Variants in LRP6 observed in about 807,000 individuals in gnomAD.
LRP6 encodes low-density lipoprotein receptor-related protein 6.
A neutral mutation model predicts 184.1 loss-of-function variants in LRP6; 43 were observed. The observed-to-expected ratio is 0.23, with a 90% CI of 0.18 to 0.30. The LOEUF (loss-of-function observed/expected upper bound fraction) is 0.30. Among genes scored for constraint, LRP6 ranks in the 10% least tolerant of loss-of-function variants. The pLI, the probability that LRP6 is intolerant of heterozygous loss-of-function variation, is 1.00. For missense variants in LRP6, 1,571 were observed against 2,005.3 expected, an observed-to-expected ratio of 0.78 and a Z score of 4.14; for synonymous variants, 719 against 684.9, an observed-to-expected ratio of 1.05 and a Z score of -0.78.
At position 12,117,650 on chromosome 12, in the gene LRP6, C is replaced by T. The variant is rs1053552672; in HGVS notation, c.*3476G>A. ...CATACCTCTTCAGTCTCTATTATGA[C>T]TACTGGTATCAAGTCACATAAATAA... On this transcript the variant is annotated 3_prime_UTR_variant, in exon 23 of 23. Transcript: ENST00000261349. The T allele has an allele frequency of 1.3e-5, 2 of 152,186 alleles. No individual in the cohort carries two copies. The highest frequency in any genetic ancestry group is 4.8e-5 in the African/African-American group (2 of 41,446). The allele number at this position is 152,186 out of a possible 1,614,324, so 9.4% of individuals were successfully genotyped here. A position where few individuals can be genotyped will look rare whatever the true frequency, so the allele number is the denominator to read the frequency against.
At chr12:12,244,700 G>A (rs769325444) in intron 1 of LRP6, 45 bp from the exon 2 acceptor site, 33 of 1,592,844 alleles carry the variant, frequency 2.1e-5, no homozygotes, top group Admixed American at 3.4e-5. Flanking sequence ...GGAAGAAAAC[G>A]TATTGGTTCT....
intron 12 of LRP6, among the ~76,000 whole-genome samples, chr12:12,154,187 T>C (rs774010856): frequency 2.0e-5 from 3 of 152,236 alleles, no homozygotes; most frequent in Non-Finnish European, 4.4e-5. Context: ...GCTTCCTAGG[T>C]GTTCCTCTAA....
chr12:12,125,171 T>C (rs1185639213), intron 21 of LRP6, 125 bp downstream of exon 21: 1 of 1,131,958 alleles, frequency 8.8e-7, no homozygotes, highest in East Asian at 2.5e-5. Context: ...CTTTGAGCCT[T>C]TTATGCCTAA....
chr12:12,180,532 A>C (rs763970023), intron 6 of LRP6, among the ~76,000 whole-genome samples: 8 of 152,080 alleles, frequency 5.3e-5, no homozygotes, highest in Non-Finnish European at 8.8e-5. Flanking sequence ...AGTATGTAAA[A>C]AGTTGTACTT....
rs1176423002 is a variant in LRP6, at chr12:12,119,297, C to T, written c.*1829G>A. 1.3e-5 allele frequency: 2 copies of T among 151,976 alleles called. No individual in the cohort carries two copies. The highest frequency in any genetic ancestry group is 6.6e-5 in the Admixed American group (1 of 15,244). The allele number at this position is 151,976 out of a possible 1,614,324, so 9.4% of individuals were successfully genotyped here. On this transcript the variant is annotated 3_prime_UTR_variant, in exon 23 of 23. Coordinates refer to ENST00000261349, the MANE Select transcript of LRP6 (RefSeq NM_002336.3). ...CCCAAATTCTGAATCCTTTCTTCCA[C>T]TGTTTTCTCTTGGGCCCTGAAACCC...
At chr12:12,266,552 CACGA>C in intron 1 of LRP6, 125 bp downstream of exon 1, 5 of 839,946 alleles carry the variant, frequency 6.0e-6, no homozygotes, top group South Asian at 3.3e-5. Flanking sequence ...TCCCCCTCCC[CACGA>C]CCAGGCCTCT....
At chr12:12,222,429 G>A (rs930897860) in intron 2 of LRP6, among the ~76,000 whole-genome samples, 3 of 151,772 alleles carry the variant, frequency 2.0e-5, no homozygotes, top group Non-Finnish European at 2.9e-5. Context: ...TTAGCCGGTC[G>A]TCGTGGTGGT....
At chr12:12,154,369 G>A (rs1950122727) in intron 12 of LRP6, among the ~76,000 whole-genome samples, 1 of 152,100 alleles carries the variant, frequency 6.6e-6, no homozygotes, top group South Asian at 2.1e-4. Context: ...TGCAGTCCCT[G>A]TCACCATCAC....
intron 1 of LRP6, among the ~76,000 whole-genome samples, chr12:12,252,069 G>C (rs1865336825): frequency 6.6e-6 from 1 of 152,124 alleles, no homozygotes; most frequent in South Asian, 2.1e-4. Context: ...AATTTCTGTA[G>C]AGACAGGATC....
chr12:12,127,560 T>A (rs1949689975), intron 19 of LRP6, among the ~76,000 whole-genome samples: 1 of 152,154 alleles, frequency 6.6e-6, no homozygotes, highest in Non-Finnish European at 1.5e-5. Context: ...AATACCTGAT[T>A]ACTGGAGGAC....
At chr12:12,225,989 C>G (rs1292200794) in intron 2 of LRP6, among the ~76,000 whole-genome samples, 2 of 152,058 alleles carry the variant, frequency 1.3e-5, no homozygotes, top group African/African-American at 2.4e-5. Context: ...CATCTTACTA[C>G]AGCCTAACCA....
chr12:12,175,939 A>G (rs1318031922), intron 7 of LRP6, among the ~76,000 whole-genome samples: 2 of 152,016 alleles, frequency 1.3e-5, no homozygotes, highest in Non-Finnish European at 2.9e-5. Context: ...TTAAACCTAT[A>G]AATTATCAAC....
At chr12:12,136,830 T>C (rs1327466475) in intron 16 of LRP6, among the ~76,000 whole-genome samples, 1 of 152,196 alleles carries the variant, frequency 6.6e-6, no homozygotes, top group Non-Finnish European at 1.5e-5. Flanking sequence ...TTCTCTTTAA[T>C]ATTAGAAATT....
chr12:12,216,274 G>T (rs1864341415), intron 2 of LRP6, among the ~76,000 whole-genome samples: 1 of 152,042 alleles, frequency 6.6e-6, no homozygotes, highest in African/African-American at 2.4e-5. Context: ...TGAATGTCCT[G>T]GATCTTCCAG....
chr12:12,161,984 A>C (rs1427745052), intron 10 of LRP6, among the ~76,000 whole-genome samples: 5 of 152,110 alleles, frequency 3.3e-5, no homozygotes, highest in African/African-American at 4.8e-5. Context: ...TCTTCACCTA[A>C]AGTTAATTAC....
chr12:12,230,048 T>C (rs888658149), intron 2 of LRP6, among the ~76,000 whole-genome samples: 7 of 152,236 alleles, frequency 4.6e-5, no homozygotes, highest in Admixed American at 2.6e-4. Context: ...TGTAATTTTA[T>C]TGCTGTGTCT....
chr12:12,149,210 G>A, intron 13 of LRP6, 57 bp from the exon 14 acceptor site: 2 of 1,374,526 alleles, frequency 1.5e-6, no homozygotes, highest in Admixed American at 1.7e-5. Flanking sequence ...TAACCCTGAG[G>A]CAATCAGTCA....
Position 12,121,319 on chromosome 12 carries a change from A to G in LRP6, c.4649T>C (p.Val1550Ala). 6.2e-7 allele frequency: 1 copy of G among 1,614,184 alleles called. No individual in the cohort carries two copies. Among genetic ancestry groups the G allele is most frequent in the Non-Finnish European group, 8.5e-7 (1 of 1,180,038 alleles). The stretch of plus-strand genomic sequence containing the variant: ...ACTGGTATAGCCCTTGGCTGTTGCC[A>G]CTGAGGTCATTCTCCGACTAGGAGC... ...DYAPSRRMTS[V>A]ATAKGYTSDL... The change falls in exon 23 of 23, where the codon GTG becomes GCG. Residue 1550 changes from valine to alanine, a missense_variant. Coordinates refer to ENST00000261349, the MANE Select transcript of LRP6 (RefSeq NM_002336.3).
chr12:12,150,904 C>A lies in LRP6; in HGVS notation c.2926G>T (p.Asp976Tyr). Residue 976 changes from aspartate (D) to tyrosine (Y), a missense_variant, in exon 13 of 23, where the codon GAC (aspartate) becomes TAC (tyrosine). Physicochemically the swap from Asp to Tyr is radical, Grantham distance 160. Around this residue, in one of 4 missense-constraint regions of LRP6, gnomAD observed 763 missense variants for 859.5 expected, o/e 0.89. Transcript: ENST00000261349. ...GAGTCAATCCAATAGAGTTGCTTGT[C>A]CAGTGGGTCATAGTCAATGGCCCGG... ...NVRAIDYDPLDKQLYWIDSRQ... is the reference protein window; with the variant it reads ...NVRAIDYDPLYKQLYWIDSRQ... 3 of 1,614,084 alleles carry A rather than the reference C, an allele frequency of 1.9e-6. No individual in the cohort carries two copies. Among genetic ancestry groups the A allele is most frequent in the Non-Finnish European group, 1.7e-6 (2 of 1,180,008 alleles).
Sources: allele counts gnomAD v4.1 joint callset (sites outside exome capture counted in the v4.1 genomes callset), GRCh38; gene constraint gnomAD v4.1.1; regional missense constraint gnomAD v4.1.1; transcripts MANE v1.5; gene names NCBI Gene and HGNC (gene_info 2026-07-23, HGNC 2026-07-21).